The following GNAQ variants were observed in gnomAD, a reference collection of about 807,000 sequenced individuals.
GNAQ encodes G protein subunit alpha q, also known as guanine nucleotide-binding protein G(q) subunit alpha.
Under a neutral mutation model 43.9 loss-of-function variants are expected in GNAQ, and 8 were observed. The observed-to-expected ratio is 0.18, with a 90% CI of 0.11 to 0.33. The LOEUF is 0.33. GNAQ is among the 10% of genes least tolerant of loss of function. GNAQ has a pLI of 1.00. For missense variants in GNAQ, 158 were observed against 450.8 expected (o/e 0.35, Z 5.88); for synonymous variants, 155 against 170.7 (o/e 0.91, Z 0.71).
Position 77,728,596 on chromosome 9 carries a change from A to G in GNAQ, c.807T>C (p.Val269=). 1.3e-6 allele frequency: 2 copies of G among 1,594,996 alleles called. No homozygotes were observed. The highest frequency in any genetic ancestry group is 2.7e-5 in the African/African-American group (2 of 74,674). ...GATCTTTCTTGTTTAAGAACAGAAT[A>G]ACCGAGGAGTTCTGGAACCAGGGGT... ...ITYPWFQNSS[V]ILFLNKKDLL... is the part of the protein sequence containing the mutation. Residue 269 remains valine (V), a synonymous_variant, in exon 6 of 7, where the codon GTT becomes GTC. Coordinates refer to ENST00000286548, the MANE Select transcript of GNAQ (RefSeq NM_002072.5).
intron 2 of GNAQ, among the ~76,000 whole-genome samples, chr9:77,848,043 G>T (rs2117911637): frequency 6.6e-6 from 1 of 152,314 alleles, no homozygotes; most frequent in Admixed American, 6.5e-5. Flanking sequence ...CAGCCAGCTA[G>T]GTAGGACCTC....
chr9:77,872,893 C>A (rs1038415692), intron 2 of GNAQ, among the ~76,000 whole-genome samples: 2 of 152,060 alleles, frequency 1.3e-5, no homozygotes, highest in African/African-American at 4.8e-5. Context: ...CGGTAAGGAC[C>A]AATTTGAAAG....
chr9:77,914,813 T>C (rs1486844967), intron 2 of GNAQ, among the ~76,000 whole-genome samples: 1 of 148,128 alleles, frequency 6.8e-6, no homozygotes, highest in East Asian at 2.0e-4. Context: ...CATCTGATAT[T>C]TTACTTTTGA....
intron 2 of GNAQ, among the ~76,000 whole-genome samples, chr9:77,890,350 C>CA (rs1828383053): frequency 6.6e-6 from 1 of 152,146 alleles, no homozygotes; most frequent in Admixed American, 6.6e-5. Flanking sequence ...GCTTTAGTAG[C>CA]ATTCATTTTC....
chr9:77,758,636 A>T (rs1296120523), intron 5 of GNAQ, among the ~76,000 whole-genome samples: 1 of 152,184 alleles, frequency 6.6e-6, no homozygotes, highest in Non-Finnish European at 1.5e-5. Flanking sequence ...TTACAAATAA[A>T]CATATGTACT....
intron 1 of GNAQ, among the ~76,000 whole-genome samples, chr9:77,996,250 C>A (rs564717475): frequency 6.6e-6 from 1 of 152,158 alleles, no homozygotes; most frequent in Non-Finnish European, 1.5e-5. Context: ...TGGCTTAGAG[C>A]TTTATTTAAT....
intron 1 of GNAQ, among the ~76,000 whole-genome samples, chr9:78,022,049 G>A (rs577117486): frequency 9.2e-5 from 14 of 152,204 alleles, no homozygotes; most frequent in Non-Finnish European, 1.9e-4. Flanking sequence ...CACCAGGGGA[G>A]CTCTGGACAG....
chr9:77,725,291 A>G (rs1206930871), intron 6 of GNAQ, among the ~76,000 whole-genome samples: 1 of 152,176 alleles, frequency 6.6e-6, no homozygotes, highest in East Asian at 1.9e-4. Flanking sequence ...GGAAAGGGTA[A>G]TTTCCTTTCT....
chr9:77,761,478 G>A (rs1415748588), intron 5 of GNAQ, among the ~76,000 whole-genome samples: 2 of 131,782 alleles, frequency 1.5e-5, no homozygotes, highest in African/African-American at 5.8e-5. Flanking sequence ...CTGGCCAGTC[G>A]CCCAGTCCGG....
chr9:77,992,617 A>G (rs891785651), intron 1 of GNAQ, among the ~76,000 whole-genome samples: 1 of 152,192 alleles, frequency 6.6e-6, no homozygotes, highest in East Asian at 1.9e-4. Context: ...GTTTTTCTAC[A>G]TAATTTTTGA....
At chr9:77,935,707 C>T (rs1238738200) in intron 1 of GNAQ, among the ~76,000 whole-genome samples, 1 of 152,094 alleles carries the variant, frequency 6.6e-6, no homozygotes, top group Non-Finnish European at 1.5e-5. Flanking sequence ...AAAAGGTACC[C>T]TATGGGCTGT....
chr9:77,940,099 A>G (rs1012175362), intron 1 of GNAQ, among the ~76,000 whole-genome samples: 1 of 152,246 alleles, frequency 6.6e-6, no homozygotes, highest in Non-Finnish European at 1.5e-5. Context: ...TCCTATTAAA[A>G]GTATTCTGGA....
intron 2 of GNAQ, among the ~76,000 whole-genome samples, chr9:77,848,955 A>C (rs1471320474): frequency 6.6e-6 from 1 of 152,248 alleles, no homozygotes; most frequent in Non-Finnish European, 1.5e-5. Context: ...AAAGGAAAAA[A>C]GGACAAATGT....
chr9:77,894,203 G>A (rs1828449528), intron 2 of GNAQ, among the ~76,000 whole-genome samples: 2 of 148,262 alleles, frequency 1.3e-5, no homozygotes, highest in Admixed American at 1.4e-4. Context: ...GTACTACATA[G>A]ATAAGGGTAT....
intron 1 of GNAQ, among the ~76,000 whole-genome samples, chr9:77,930,611 TTAAC>T (rs1210470100): frequency 5.3e-5 from 8 of 152,174 alleles, no homozygotes; most frequent in African/African-American, 1.7e-4. Flanking sequence ...CCTTTTACAA[TTAAC>T]TAACAAAATA....
At chr9:77,947,153 T>C (rs1156983260) in intron 1 of GNAQ, among the ~76,000 whole-genome samples, 1 of 152,260 alleles carries the variant, frequency 6.6e-6, no homozygotes, top group African/African-American at 2.4e-5. Flanking sequence ...AGAGGCCAGC[T>C]GGCTGCTCCT....
chr9:77,935,465 T>A (rs542841959), intron 1 of GNAQ, among the ~76,000 whole-genome samples: 1 of 152,294 alleles, frequency 6.6e-6, no homozygotes, highest in East Asian at 1.9e-4. Flanking sequence ...AGATTCAGCT[T>A]TTGTAAAAAG....
At chr9:77,990,437 G>C (rs2118519323) in intron 1 of GNAQ, among the ~76,000 whole-genome samples, 1 of 152,192 alleles carries the variant, frequency 6.6e-6, no homozygotes, top group South Asian at 2.1e-4. Context: ...GCCTGGAGGA[G>C]TCCTGAACTC....
rs146871112 is a variant in GNAQ at position 78,012,428 on chromosome 9, C to T, written c.136+18672G>A. 7.0e-3 allele frequency among the ~76,000 whole-genome samples: 1,059 copies of T among 151,892 alleles called. 16 individuals are homozygous for T. The highest frequency in any genetic ancestry group is 0.024 in the African/African-American group (980 of 41,390). Reference sequence around the variant, plus strand: ...TTCACCATGTTGGCCAGGTTGGTCTCGAACTCCTGACCTTGTAATCCACCC... The same window carrying T: ...TTCACCATGTTGGCCAGGTTGGTCTTGAACTCCTGACCTTGTAATCCACCC... On this transcript the variant is annotated intron_variant, in intron 1 of 6. Coordinates refer to ENST00000286548, the MANE Select transcript of GNAQ (RefSeq NM_002072.5).
Sources: allele counts gnomAD v4.1 joint callset (sites outside exome capture counted in the v4.1 genomes callset), GRCh38; gene constraint gnomAD v4.1.1; transcripts MANE v1.5; gene names NCBI Gene and HGNC (gene_info 2026-07-23, HGNC 2026-07-21).